The following RAP1GDS1 variants were observed in gnomAD, a reference collection of about 807,000 sequenced individuals.
The protein encoded by RAP1GDS1 is RAP1, GTP-GDP dissociation stimulator 1.
A neutral mutation model predicts 71.1 loss-of-function variants in RAP1GDS1; 35 were observed. The ratio of observed to expected loss-of-function variants is 0.49; its 90% CI spans 0.38 to 0.65. The LOEUF (loss-of-function observed/expected upper bound fraction) is 0.65. RAP1GDS1 is among the 30% of genes least tolerant of loss of function. RAP1GDS1 has a pLI of 0.00. For synonymous variants in RAP1GDS1, 229 were observed against 243.1 expected, an observed-to-expected ratio of 0.94 and a Z score of 0.54; for missense variants, 663 against 706.1, an observed-to-expected ratio of 0.94 and a Z score of 0.69.
intron 13 of RAP1GDS1, 107 bp downstream of exon 13, chr4:98,434,169 C>A: frequency 7.4e-7 from 1 of 1,345,500 alleles, no homozygotes. Context: ...AAGCATTTTG[C>A]TAGTGTCTGT....
chr4:98,385,623 G>A (rs1205394000), intron 5 of RAP1GDS1, among the ~76,000 whole-genome samples: 3 of 151,748 alleles, frequency 2.0e-5, no homozygotes, highest in Non-Finnish European at 4.4e-5. Context: ...AGTTAATACT[G>A]TACTGCCTAT....
At chr4:98,398,292 A>AAGTT in intron 6 of RAP1GDS1, among the ~76,000 whole-genome samples, 1 of 152,250 alleles carries the variant, frequency 6.6e-6, no homozygotes, top group East Asian at 1.9e-4. Flanking sequence ...AGTATTAGAA[A>AAGTT]AGTTAACAGA....
chr4:98,345,481 T>C (rs946194139), intron 3 of RAP1GDS1, among the ~76,000 whole-genome samples: 2 of 152,160 alleles, frequency 1.3e-5, no homozygotes, highest in African/African-American at 4.8e-5. Context: ...GACCATAAAT[T>C]ATAGTAAAAG....
chr4:98,400,456 TAAAC>T (rs1745217025), intron 6 of RAP1GDS1, among the ~76,000 whole-genome samples: 1 of 129,922 alleles, frequency 7.7e-6, no homozygotes, highest in East Asian at 2.2e-4. Context: ...TTAAGTGAAA[TAAAC>T]CAGGAATAGA....
chr4:98,409,956 T>G (rs946598838), intron 7 of RAP1GDS1, among the ~76,000 whole-genome samples: 2 of 152,044 alleles, frequency 1.3e-5, no homozygotes, highest in African/African-American at 4.8e-5. Flanking sequence ...AGGAAAAAAT[T>G]GAGACATTGG....
chr4:98,319,389 G>T (rs1471336767), intron 2 of RAP1GDS1, among the ~76,000 whole-genome samples: 1 of 152,062 alleles, frequency 6.6e-6, no homozygotes, highest in Non-Finnish European at 1.5e-5. Flanking sequence ...TATGGTATAG[G>T]TTTCCTCATA....
At position 98,291,793 on chromosome 4, in the gene RAP1GDS1, G is replaced by A. The variant is rs989382116; in HGVS notation, c.5-1615G>A. ...ATAACAGGAATGCAGAAGGGGTTGA[G>A]CCATACATGTCCAGTAGTCCTCAGC... is the stretch of plus-strand genomic sequence containing the variant. On this transcript the variant is annotated intron_variant, in intron 1 of 14. Coordinates refer to ENST00000408927, the MANE Select transcript of RAP1GDS1 (RefSeq NM_001100427.2). Among the ~76,000 whole-genome samples, 33 of 152,132 alleles carry A rather than the reference G, an allele frequency of 2.2e-4. 1 individual carries two copies. Among genetic ancestry groups the A allele is most frequent in the Non-Finnish European group, 5.9e-5 (4 of 68,006 alleles).
chr4:98,282,614 T>G (rs1416648138), intron 1 of RAP1GDS1, among the ~76,000 whole-genome samples: 1 of 151,644 alleles, frequency 6.6e-6, no homozygotes, highest in South Asian at 2.1e-4. Flanking sequence ...TATGTCTCTA[T>G]CTCCTTCGGT....
At chr4:98,331,170 C>T (rs1733953304) in intron 2 of RAP1GDS1, among the ~76,000 whole-genome samples, 2 of 152,178 alleles carry the variant, frequency 1.3e-5, no homozygotes, top group African/African-American at 4.8e-5. Context: ...GCGGCATGTG[C>T]CTGCAATCCC....
chr4:98,292,103 C>T (rs985942956), intron 1 of RAP1GDS1, among the ~76,000 whole-genome samples: 1 of 151,512 alleles, frequency 6.6e-6, no homozygotes, highest in Non-Finnish European at 1.5e-5. Context: ...TTCTGTTGAA[C>T]CACATTATGG....
At chr4:98,419,944 A>C in intron 10 of RAP1GDS1, 75 bp from the exon 11 acceptor site, 1 of 1,292,276 alleles carries the variant, frequency 7.7e-7, no homozygotes, top group Non-Finnish European at 1.0e-6. Context: ...GATACTTAAT[A>C]AACCTGTATT....
intron 5 of RAP1GDS1, among the ~76,000 whole-genome samples, chr4:98,381,332 T>G (rs1741982842): frequency 1.3e-5 from 2 of 151,704 alleles, no homozygotes; most frequent in African/African-American, 4.8e-5. Context: ...CTCTACTTCC[T>G]TTTTACATTT....
chr4:98,418,674 A>G lies in RAP1GDS1; in HGVS notation c.1057A>G (p.Met353Val), dbSNP rs748357823. ...TTTTTCAGATGCAAATTGTATTCATATGGTAGACAATGGGATTGTAGAAAA... is the reference window on the plus strand; with the variant it reads ...TTTTTCAGATGCAAATTGTATTCATGTGGTAGACAATGGGATTGTAGAAAA... Reference protein sequence around the residue: ...FARNDANCIHMVDNGIVEKLM... With the variant: ...FARNDANCIHVVDNGIVEKLM... Residue 353 changes from methionine to valine, a missense_variant, in exon 10 of 15, where the codon ATG becomes GTG. Coordinates refer to ENST00000408927, the MANE Select transcript of RAP1GDS1 (RefSeq NM_001100427.2). 7.5e-6 allele frequency: 12 copies of G among 1,599,770 alleles called. No homozygotes were observed. Among genetic ancestry groups the G allele is most frequent in the Non-Finnish European group, 9.4e-6 (11 of 1,175,618 alleles).
intron 2 of RAP1GDS1, among the ~76,000 whole-genome samples, chr4:98,306,079 A>G (rs1375201424): frequency 6.6e-6 from 1 of 152,198 alleles, no homozygotes; most frequent in Non-Finnish European, 1.5e-5. Flanking sequence ...TCAGGGTTCC[A>G]TGTCACTGCA....
At chr4:98,440,920 C>T (rs374212021) in intron 14 of RAP1GDS1, among the ~76,000 whole-genome samples, 10 of 152,086 alleles carry the variant, frequency 6.6e-5, no homozygotes, top group African/African-American at 9.7e-5. Flanking sequence ...CTCAAACTCC[C>T]GACCTCAGGT....
chr4:98,333,775 G>C (rs1734324652), intron 2 of RAP1GDS1, among the ~76,000 whole-genome samples: 1 of 152,034 alleles, frequency 6.6e-6, no homozygotes, highest in Non-Finnish European at 1.5e-5. Flanking sequence ...TATATAGACT[G>C]AATATCAGGC....
In RAP1GDS1 at chr4:98,393,686, G is replaced by C. The variant is rs75980765; in HGVS notation, c.637+1606G>C. Among the ~76,000 whole-genome samples the C allele has an allele frequency of 7.8e-3, 1,193 of 152,216 alleles. 16 individuals are homozygous for C. The highest frequency in any genetic ancestry group is 0.027 in the African/African-American group (1,142 of 41,546). ...TAGAACAGCACTGTCCAATACAGTA[G>C]CTACCAGCCATGTGGCTTAATGGGC... On this transcript the variant is annotated intron_variant, in intron 6 of 14. Transcript: ENST00000408927.
intron 12 of RAP1GDS1, among the ~76,000 whole-genome samples, chr4:98,432,549 C>T (rs564665021): frequency 1.1e-4 from 17 of 152,256 alleles, no homozygotes; most frequent in Admixed American, 3.9e-4. Flanking sequence ...AGTTCTTGGA[C>T]TCTATTTAGC....
chr4:98,319,388 G>A (rs1731432695), intron 2 of RAP1GDS1, among the ~76,000 whole-genome samples: 1 of 152,030 alleles, frequency 6.6e-6, no homozygotes. Context: ...ATATGGTATA[G>A]GTTTCCTCAT....
Sources: gnomAD v4.1 joint callset for allele counts (sites outside exome capture counted in the v4.1 genomes callset) on GRCh38, gnomAD v4.1.1 for gene constraint, MANE v1.5 for transcripts, NCBI Gene and HGNC (gene_info 2026-07-23, HGNC 2026-07-21) for gene names.